MEIS1: variants seen among roughly 807,000 people sequenced by gnomAD.
The protein encoded by MEIS1 is homeobox protein Meis1.
A neutral mutation model predicts 50.8 loss-of-function variants in MEIS1; 5 were observed. That is an observed-to-expected ratio of 0.10 (90% CI 0.05 to 0.21). The LOEUF is 0.21. MEIS1 is among the 10% of genes least tolerant of loss of function. The pLI, the probability that MEIS1 is intolerant of heterozygous loss-of-function variation, is 1.00. For synonymous variants in MEIS1, 176 were observed against 179.3 expected, an observed-to-expected ratio of 0.98 and a Z score of 0.15; for missense variants, 318 against 517.3, an observed-to-expected ratio of 0.61 and a Z score of 3.74.
intron 8 of MEIS1, among the ~76,000 whole-genome samples, chr2:66,545,330 G>A (rs1197395541): frequency 6.6e-6 from 1 of 152,136 alleles, no homozygotes; most frequent in Non-Finnish European, 1.5e-5. Context: ...GTACTTCAGT[G>A]TACAACTTTA....
At chr2:66,446,476 T>TTAGC (rs1292519778) in intron 6 of MEIS1, among the ~76,000 whole-genome samples, 1 of 151,986 alleles carries the variant, frequency 6.6e-6, no homozygotes, top group African/African-American at 2.4e-5. Flanking sequence ...CGAGCCGAGA[T>TTAGC]TAGCTAGGTC....
At chr2:66,547,851 C>T (rs1199266688) in intron 8 of MEIS1, 92 bp from the exon 9 acceptor site, 50 of 1,231,010 alleles carry the variant, frequency 4.1e-5, no homozygotes, top group Admixed American at 7.5e-5. Context: ...AGCATTTTTA[C>T]CTTTAATTAT....
At chr2:66,525,725 G>A (rs767264649) in intron 8 of MEIS1, among the ~76,000 whole-genome samples, 5 of 152,188 alleles carry the variant, frequency 3.3e-5, no homozygotes, top group East Asian at 3.9e-4. Flanking sequence ...TTGTGTGTTC[G>A]GGTGGGTGGA....
At chr2:66,522,815 A>G (rs537874662) in intron 8 of MEIS1, among the ~76,000 whole-genome samples, 3 of 152,182 alleles carry the variant, frequency 2.0e-5, no homozygotes, top group Non-Finnish European at 4.4e-5. Flanking sequence ...ATTTATTTGT[A>G]AACAGAATAT....
intron 6 of MEIS1, among the ~76,000 whole-genome samples, chr2:66,463,587 G>C (rs773834185): frequency 1.3e-5 from 2 of 152,098 alleles, no homozygotes; most frequent in African/African-American, 2.4e-5. Context: ...GCCTATGCCT[G>C]GTCCATTTGC....
chr2:66,527,010 T>C (rs1363331366), intron 8 of MEIS1, among the ~76,000 whole-genome samples: 1 of 152,138 alleles, frequency 6.6e-6, no homozygotes, highest in Non-Finnish European at 1.5e-5. Flanking sequence ...CTCAGCAACA[T>C]TCATCACTTC....
intron 10 of MEIS1, chr2:66,568,417 C>T (rs938184254): frequency 2.6e-6 from 1 of 388,528 alleles, no homozygotes; most frequent in Non-Finnish European, 4.8e-6. Context: ...TATGTGGTCA[C>T]CAGACAAAAC....
intron 6 of MEIS1, among the ~76,000 whole-genome samples, chr2:66,447,542 T>C (rs1405273585): frequency 6.6e-6 from 1 of 152,240 alleles, no homozygotes; most frequent in Admixed American, 6.5e-5. Flanking sequence ...GGATGTTCAT[T>C]CTAGGCCCTT....
At chr2:66,541,799 A>G (rs776849551) in intron 8 of MEIS1, among the ~76,000 whole-genome samples, 18 of 152,242 alleles carry the variant, frequency 1.2e-4, no homozygotes, top group Non-Finnish European at 1.3e-4. Flanking sequence ...GCGAGGATGC[A>G]GGACTCAACT....
intron 9 of MEIS1, among the ~76,000 whole-genome samples, chr2:66,548,321 C>A (rs1160489637): frequency 6.6e-6 from 1 of 151,670 alleles, no homozygotes; most frequent in South Asian, 2.1e-4. Context: ...TTTTTTTTTC[C>A]CCCTTCAGGG....
At chr2:66,542,300 A>G (rs1014284008) in intron 8 of MEIS1, among the ~76,000 whole-genome samples, 16 of 152,050 alleles carry the variant, frequency 1.1e-4, no homozygotes, top group Admixed American at 1.3e-4. Context: ...TTTTTCTTTA[A>G]AGGGAGTATC....
At chr2:66,549,816 A>G (rs971491964) in intron 9 of MEIS1, among the ~76,000 whole-genome samples, 2 of 152,134 alleles carry the variant, frequency 1.3e-5, no homozygotes, top group African/African-American at 4.8e-5. Flanking sequence ...TCCACTCATA[A>G]ACACAGTTAC....
chr2:66,546,283 T>A (rs1047097781), intron 8 of MEIS1, among the ~76,000 whole-genome samples: 1 of 152,044 alleles, frequency 6.6e-6, no homozygotes, highest in Non-Finnish European at 1.5e-5. Flanking sequence ...GAAAAGCTGG[T>A]GGTGTTAGGA....
intron 6 of MEIS1, 102 bp from the exon 7 acceptor site, chr2:66,464,007 A>G (rs1012424063): frequency 2.6e-6 from 2 of 774,736 alleles, no homozygotes; most frequent in East Asian, 2.7e-5. Flanking sequence ...TGGCATGGTT[A>G]TGTGCTCCAG....
chr2:66,550,325 T>C (rs1233490741), intron 9 of MEIS1, among the ~76,000 whole-genome samples: 2 of 152,178 alleles, frequency 1.3e-5, no homozygotes, highest in South Asian at 2.1e-4. Flanking sequence ...CATTTAACAA[T>C]GTTGTTTGCT....
chr2:66,461,603 G>C (rs1672519696), intron 6 of MEIS1, among the ~76,000 whole-genome samples: 1 of 152,134 alleles, frequency 6.6e-6, no homozygotes, highest in Non-Finnish European at 1.5e-5. Context: ...AATGATATTA[G>C]GTGAAAAATA....
intron 7 of MEIS1, among the ~76,000 whole-genome samples, chr2:66,473,574 CAA>C (rs1288635419): frequency 1.3e-5 from 2 of 151,670 alleles, no homozygotes; most frequent in East Asian, 3.9e-4. Flanking sequence ...CCGTTGGGAA[CAA>C]AGTTACAGGT....
intron 7 of MEIS1, among the ~76,000 whole-genome samples, chr2:66,482,897 C>A (rs1673050683): frequency 6.6e-6 from 1 of 152,066 alleles, no homozygotes. Flanking sequence ...TGGAAGCAAC[C>A]CAATATTGGT....
At chr2:66,490,277 A>G (rs986317406) in intron 7 of MEIS1, among the ~76,000 whole-genome samples, 16 of 152,172 alleles carry the variant, frequency 1.1e-4, no homozygotes, top group African/African-American at 3.4e-4. Flanking sequence ...GCAGATGGAA[A>G]CAGACTGTGT....
Sources: gnomAD v4.1 joint callset for allele counts (sites outside exome capture counted in the v4.1 genomes callset) on GRCh38, gnomAD v4.1.1 for gene constraint, MANE v1.5 for transcripts, NCBI Gene and HGNC (gene_info 2026-07-23, HGNC 2026-07-21) for gene names.